The following HS3ST5 variants were observed in gnomAD, a reference collection of about 807,000 sequenced individuals.
The protein encoded by HS3ST5 is heparan sulfate glucosamine 3-O-sulfotransferase 5.
In HS3ST5, 10 loss-of-function variants were observed where a neutral mutation model predicts 25.4. The observed-to-expected ratio is 0.39, with a 90% CI of 0.24 to 0.67. HS3ST5 has a LOEUF of 0.67. HS3ST5 is among the 30% of genes least tolerant of loss of function. The probability of loss-of-function intolerance (pLI) is 0.44; values close to 1 mark genes in which losing one functional copy is unlikely to be tolerated. For synonymous variants in HS3ST5, 170 were observed against 162.4 expected, an observed-to-expected ratio of 1.05 and a Z score of -0.36; for missense variants, 324 against 420.7, an observed-to-expected ratio of 0.77 and a Z score of 2.01.
At chr6:114,156,687 T>A (rs1778713386) in intron 3 of HS3ST5, among the ~76,000 whole-genome samples, 1 of 152,160 alleles carries the variant, frequency 6.6e-6, no homozygotes, top group Non-Finnish European at 1.5e-5. Context: ...TTATTTCACA[T>A]CTTGGCAGCC....
In HS3ST5 at chr6:114,341,781, G is replaced by T. The variant is rs144964672; in HGVS notation, c.-339+414C>A. On this transcript the variant is annotated intron_variant, in intron 1 of 4. Coordinates refer to ENST00000312719, the MANE Select transcript of HS3ST5 (RefSeq NM_153612.4). The stretch of plus-strand genomic sequence containing the variant: ...CCCCCACTGTCCCAAAGCTGCCCTC[G>T]CGCTCCAAACAGCTCCACAGCCACC... Among the ~76,000 whole-genome samples, 488 of 152,092 alleles carry T rather than the reference G, an allele frequency of 3.2e-3. 2 individuals are homozygous for T. Among genetic ancestry groups the T allele is most frequent in the African/African-American group, 0.011 (455 of 41,508 alleles).
intron 2 of HS3ST5, among the ~76,000 whole-genome samples, chr6:114,215,866 C>G (rs1020923826): frequency 1.3e-5 from 2 of 152,110 alleles, no homozygotes; most frequent in Non-Finnish European, 2.9e-5. Flanking sequence ...TAGCTGTGAC[C>G]GCTGATGAGT....
chr6:114,301,932 G>A (rs1004953656), intron 1 of HS3ST5, among the ~76,000 whole-genome samples: 5 of 152,156 alleles, frequency 3.3e-5, no homozygotes, highest in Admixed American at 2.0e-4. Context: ...ATAACTGCAA[G>A]TTGATTTTCA....
chr6:114,141,191 A>G (rs1049352008), intron 3 of HS3ST5, among the ~76,000 whole-genome samples: 22 of 152,346 alleles, frequency 1.4e-4, no homozygotes, highest in African/African-American at 5.3e-4. Flanking sequence ...CCACTTACCC[A>G]GAAACCTGGG....
At chr6:114,226,238 T>C (rs1218945961) in intron 2 of HS3ST5, among the ~76,000 whole-genome samples, 1 of 151,982 alleles carries the variant, frequency 6.6e-6, no homozygotes, top group African/African-American at 2.4e-5. Flanking sequence ...AAGGAATTAA[T>C]TGTCATAATT....
intron 1 of HS3ST5, among the ~76,000 whole-genome samples, chr6:114,314,099 G>A (rs1317387338): frequency 3.3e-5 from 5 of 152,124 alleles, no homozygotes; most frequent in African/African-American, 4.8e-5. Flanking sequence ...CTAATATTTT[G>A]TATTTCTTTG....
intron 2 of HS3ST5, among the ~76,000 whole-genome samples, chr6:114,200,242 A>AAAACAG (rs1203750999): frequency 2.6e-5 from 4 of 152,250 alleles, no homozygotes; most frequent in African/African-American, 9.6e-5. Flanking sequence ...AACAAAAACA[A>AAAACAG]AATGAGGTTT....
rs764477498 is a variant in HS3ST5 at position 114,057,065 on chromosome 6, A to G, written c.*192T>C. The G allele has an allele frequency of 1.9e-6, 1 of 519,530 alleles. No individual in the cohort carries two copies. The highest frequency in any genetic ancestry group is 2.9e-5 in the East Asian group (1 of 34,128). 32.2% of individuals were successfully genotyped at this position (519,530 alleles called of 1,614,324 possible). On this transcript the variant is annotated 3_prime_UTR_variant, in exon 5 of 5. Coordinates refer to ENST00000312719, the MANE Select transcript of HS3ST5 (RefSeq NM_153612.4). ...GCTTAAAAGATGCGACTATGCAGAC[A>G]GCAATTTTTTTTTTTTCGTAAATTT...
chr6:114,082,769 C>G (rs1562189179), intron 3 of HS3ST5, among the ~76,000 whole-genome samples: 1 of 152,200 alleles, frequency 6.6e-6, no homozygotes, highest in Non-Finnish European at 1.5e-5. Context: ...TTACCTGCTC[C>G]ACCCTGACTC....
At chr6:114,175,897 T>C (rs1779700359) in intron 2 of HS3ST5, among the ~76,000 whole-genome samples, 1 of 152,230 alleles carries the variant, frequency 6.6e-6, no homozygotes, top group Non-Finnish European at 1.5e-5. Flanking sequence ...TTTTTTAGTC[T>C]TCAGCTTTTG....
chr6:114,146,710 C>T (rs556606647), intron 3 of HS3ST5, among the ~76,000 whole-genome samples: 1 of 152,270 alleles, frequency 6.6e-6, no homozygotes, highest in South Asian at 2.1e-4. Flanking sequence ...TCCCTCATGG[C>T]TTGGTGCGTC....
At chr6:114,229,412 A>G (rs1771470109) in intron 1 of HS3ST5, among the ~76,000 whole-genome samples, 1 of 152,216 alleles carries the variant, frequency 6.6e-6, no homozygotes, top group Non-Finnish European at 1.5e-5. Context: ...ACTCTCCTAA[A>G]GAACAGAGGA....
intron 3 of HS3ST5, among the ~76,000 whole-genome samples, chr6:114,166,675 T>C (rs1459593472): frequency 1.3e-5 from 2 of 152,088 alleles, no homozygotes; most frequent in African/African-American, 4.8e-5. Flanking sequence ...GAGGTTAAAT[T>C]GTGTTCGATG....
At chr6:114,084,808 G>C in intron 3 of HS3ST5, 1 of 668,228 alleles carries the variant, frequency 1.5e-6, no homozygotes, top group Non-Finnish European at 2.7e-6. Context: ...CAAACTCTTA[G>C]AAAATTTCTT....
chr6:114,272,766 A>T (rs1194504317), intron 1 of HS3ST5, among the ~76,000 whole-genome samples: 2 of 152,116 alleles, frequency 1.3e-5, no homozygotes, highest in Non-Finnish European at 2.9e-5. Flanking sequence ...ACATTTGATC[A>T]ATGAGGTGAA....
Position 114,257,234 on chromosome 6 carries a change from A to G in HS3ST5, c.-338-28456T>C, listed in dbSNP as rs191642962. 2.4e-4 allele frequency among the ~76,000 whole-genome samples: 37 copies of G among 152,350 alleles called. No homozygotes were observed. The East Asian group carries it at 5.2e-3, about 21-fold the overall frequency. On this transcript the variant is annotated intron_variant, in intron 1 of 4. Transcript: ENST00000312719. ...TTTGTTAAATGGAGGCAGTAGGCTA[A>G]GGAAAGAGGGGATGCAGGGCATAGC...
intron 1 of HS3ST5, among the ~76,000 whole-genome samples, chr6:114,244,182 C>G (rs1177731057): frequency 1.3e-5 from 2 of 152,196 alleles, no homozygotes; most frequent in Non-Finnish European, 2.9e-5. Flanking sequence ...AGACTGGAAA[C>G]TGTAGGTAGA....
chr6:114,103,956 C>T (rs1775868750), intron 3 of HS3ST5, among the ~76,000 whole-genome samples: 1 of 151,194 alleles, frequency 6.6e-6, no homozygotes, highest in African/African-American at 2.4e-5. Context: ...CCATCTCGGC[C>T]TCCCAAAGTG....
intron 3 of HS3ST5, among the ~76,000 whole-genome samples, chr6:114,160,144 T>G (rs1253885890): frequency 6.6e-6 from 1 of 152,140 alleles, no homozygotes; most frequent in Non-Finnish European, 1.5e-5. Context: ...TCCACATAGT[T>G]GTATGATGCC....
Sources: gnomAD v4.1 joint callset for allele counts (sites outside exome capture counted in the v4.1 genomes callset) on GRCh38, gnomAD v4.1.1 for gene constraint, MANE v1.5 for transcripts, NCBI Gene and HGNC (gene_info 2026-07-23, HGNC 2026-07-21) for gene names.